The following CACNA1B variants were observed in gnomAD, a reference collection of about 807,000 sequenced individuals.
The protein encoded by CACNA1B is calcium voltage-gated channel subunit alpha1 B.
Under a neutral mutation model 247.2 loss-of-function variants are expected in CACNA1B, and 70 were observed. The ratio of observed to expected loss-of-function variants is 0.28; its 90% CI spans 0.23 to 0.35. The LOEUF is 0.35. CACNA1B is among the 10% of genes least tolerant of loss of function. The pLI is 1.00. For synonymous variants in CACNA1B, 1,231 were observed against 1,294.4 expected (o/e 0.95, Z 1.05); for missense variants, 2,367 against 3,197.4 (o/e 0.74, Z 6.26).
chr9:138,080,433 C>T (rs1184273810), intron 36 of CACNA1B, among the ~76,000 whole-genome samples: 1 of 152,042 alleles, frequency 6.6e-6, no homozygotes, highest in African/African-American at 2.4e-5. Context: ...ACATCATTGC[C>T]GTCATTACAT....
chr9:137,892,807 C>T (rs1213114581), intron 3 of CACNA1B, among the ~76,000 whole-genome samples: 4 of 152,224 alleles, frequency 2.6e-5, no homozygotes, highest in Non-Finnish European at 5.9e-5. Flanking sequence ...GTTCCCATCA[C>T]GGGCCTACTC....
chr9:138,073,727 T>C lies in CACNA1B; in HGVS notation c.4791+123T>C, dbSNP rs1960212736. 2.9e-6 allele frequency: 2 copies of C among 679,882 alleles called. No individual in the cohort carries two copies. Among genetic ancestry groups the C allele is most frequent in the Non-Finnish European group, 5.3e-6 (2 of 379,328 alleles). 42.1% of individuals were successfully genotyped at this position (679,882 alleles called of 1,614,324 possible). On this transcript the variant is annotated intron_variant, in intron 33 of 46. Transcript: ENST00000371372. This position sits in a 1 kb window ranked among gnomAD's most constrained non-coding sequence, Gnocchi z 6.4. Reference sequence around the variant, plus strand: ...AGGGTATGGCATGCAGGTTTCGTGGTTGTATGCATTGTCCTGTTGTCATTT... The same window carrying C: ...AGGGTATGGCATGCAGGTTTCGTGGCTGTATGCATTGTCCTGTTGTCATTT...
chr9:138,084,307 G>A (rs1960623598), intron 36 of CACNA1B, among the ~76,000 whole-genome samples: 1 of 151,156 alleles, frequency 6.6e-6, no homozygotes, highest in Non-Finnish European at 1.5e-5. Flanking sequence ...CTGATTGCAG[G>A]CCATTAGACC....
intron 9 of CACNA1B, 26 bp downstream of exon 9, chr9:137,956,853 G>A (rs1957955222): frequency 6.3e-7 from 1 of 1,591,024 alleles, no homozygotes; most frequent in Non-Finnish European, 8.6e-7. Context: ...TGGTACTCCT[G>A]TGTGGTGGAG....
Position 138,052,886 on chromosome 9 carries a change from C to T in CACNA1B, c.3807+698C>T, listed in dbSNP as rs1292296642. Among the ~76,000 whole-genome samples the T allele has an allele frequency of 1.3e-5, 2 of 152,182 alleles. No individual in the cohort carries two copies. The highest frequency in any genetic ancestry group is 2.9e-5 in the Non-Finnish European group (2 of 68,038). On this transcript the variant is annotated intron_variant, in intron 25 of 46. Transcript: ENST00000371372. This position sits in a 1 kb window ranked among gnomAD's most constrained non-coding sequence, Gnocchi z 5.1. ...CTGTGCAGTGGTCATCCACAGTGTG[C>T]CAGGCTGCTTTGTGGGAGACGGTTG...
intron 3 of CACNA1B, among the ~76,000 whole-genome samples, chr9:137,897,755 C>A (rs1365845203): frequency 2.6e-5 from 4 of 151,888 alleles, no homozygotes; most frequent in Non-Finnish European, 5.9e-5. Context: ...TCTCAGCTCA[C>A]TGCAACCTCT....
intron 20 of CACNA1B, among the ~76,000 whole-genome samples, chr9:138,028,303 G>A (rs1054556577): frequency 2.0e-5 from 3 of 152,060 alleles, no homozygotes; most frequent in Non-Finnish European, 4.4e-5. Flanking sequence ...GATTACAGGC[G>A]TGAGCCACCG....
Position 137,891,795 on chromosome 9 carries a change from C to T in CACNA1B, c.530+8912C>T, listed in dbSNP as rs929350568. The T allele has an allele frequency of 1.4e-5, 5 of 349,478 alleles. No individual in the cohort carries two copies. Among genetic ancestry groups the T allele is most frequent in the South Asian group, 4.3e-5 (2 of 46,478 alleles). The allele number at this position is 349,478 out of a possible 1,614,324, so 21.6% of individuals were successfully genotyped here. A position where few individuals can be genotyped will look rare whatever the true frequency, so the allele number is the denominator to read the frequency against. On this transcript the variant is annotated intron_variant, in intron 3 of 46. Coordinates refer to ENST00000371372, the MANE Select transcript of CACNA1B (RefSeq NM_000718.4). The surrounding 1 kb of genome is among the most constrained non-coding windows in gnomAD (Gnocchi z 4.3). ...CTGCGTGCCTGTGTGCAGCCCCACACGTGCTGAAGCATCTCTACTCCAGCC... is the reference window on the plus strand; with the variant it reads ...CTGCGTGCCTGTGTGCAGCCCCACATGTGCTGAAGCATCTCTACTCCAGCC...
rs1208837625 is a variant in CACNA1B, at chr9:138,100,794, C to T, written c.5223-1917C>T. On this transcript the variant is annotated intron_variant, in intron 37 of 46. Transcript: ENST00000371372. The surrounding 1 kb of genome is among the most constrained non-coding windows in gnomAD (Gnocchi z 4.6). ...GCCAGGCGTCAGAGGGTTTGGCTGA[C>T]CTGGGAGGCCCAGGGAGCATCGTCA... Among the ~76,000 whole-genome samples the T allele has an allele frequency of 6.6e-6, 1 of 152,130 alleles. No homozygotes were observed. Among genetic ancestry groups the T allele is most frequent in the Non-Finnish European group, 1.5e-5 (1 of 68,006 alleles).
intron 38 of CACNA1B, among the ~76,000 whole-genome samples, 185 bp from the exon 39 acceptor site, chr9:138,105,514 G>A (rs1961391854): frequency 6.6e-6 from 1 of 152,126 alleles, no homozygotes; most frequent in Admixed American, 6.5e-5. Flanking sequence ...GTGGGGCGGG[G>A]AGTCCAGGGG....
chr9:137,992,893 G>T (rs7869557), intron 15 of CACNA1B, among the ~76,000 whole-genome samples: 44,287 of 151,834 alleles, frequency 0.29, 8,908 homozygotes, highest in East Asian at 0.64. Flanking sequence ...CACAAAACCA[G>T]GCAAATACAG....
Position 138,091,817 on chromosome 9 carries a change from C to T in CACNA1B, c.5095-4667C>T, listed in dbSNP as rs116043611. On this transcript the variant is annotated intron_variant, in intron 36 of 46. Transcript: ENST00000371372. Reference sequence around the variant, plus strand: ...AGCTCCTATGGGGGGAACCAGCCCCCAGTATTTCAACATAGGTTCTTTTCT... The same window carrying T: ...AGCTCCTATGGGGGGAACCAGCCCCTAGTATTTCAACATAGGTTCTTTTCT... Among the ~76,000 whole-genome samples, 898 of 152,212 alleles carry T rather than the reference C, an allele frequency of 5.9e-3. 8 individuals are homozygous for T. The highest frequency in any genetic ancestry group is 0.021 in the African/African-American group (872 of 41,508).
intron 18 of CACNA1B, 134 bp from the exon 19 acceptor site, chr9:138,022,877 G>T: frequency 8.3e-7 from 1 of 1,200,418 alleles, no homozygotes; most frequent in Non-Finnish European, 1.1e-6. Flanking sequence ...CCCCCGAGGG[G>T]TGTGGGGGCT....
chr9:137,882,324 C>T lies in CACNA1B; in HGVS notation c.391-420C>T, dbSNP rs1001701127. The stretch of plus-strand genomic sequence containing the variant: ...ACCTCATGGGGTATTAAAGGGCCAC[C>T]CTAGTTGATAAAGGAAAAACTACCT... On this transcript the variant is annotated intron_variant, in intron 2 of 46. Transcript: ENST00000371372. This position sits in a 1 kb window ranked among gnomAD's most constrained non-coding sequence, Gnocchi z 4.0. 1.3e-5 allele frequency among the ~76,000 whole-genome samples: 2 copies of T among 152,084 alleles called. No homozygotes were observed. The highest frequency in any genetic ancestry group is 2.9e-5 in the Non-Finnish European group (2 of 68,018).
At position 138,051,449 on chromosome 9, in the gene CACNA1B, G is replaced by C. The variant is rs564877714; in HGVS notation, c.3711-643G>C. On this transcript the variant is annotated intron_variant, in intron 24 of 46. Transcript: ENST00000371372. The surrounding 1 kb of genome is among the most constrained non-coding windows in gnomAD (Gnocchi z 4.3). ...GTAGCATTGATATGTCTGTCTCTAT[G>C]GCTCTCCCTCCCTCCCTCCCTCCCT... Among the ~76,000 whole-genome samples, 406 of 150,764 alleles carry C rather than the reference G, an allele frequency of 2.7e-3. No homozygotes were observed. Among genetic ancestry groups the C allele is most frequent in the African/African-American group, 8.9e-3 (363 of 40,734 alleles).
chr9:138,029,092 T>C (rs996660876), intron 20 of CACNA1B, among the ~76,000 whole-genome samples: 6 of 152,090 alleles, frequency 3.9e-5, no homozygotes, highest in African/African-American at 4.8e-5. Flanking sequence ...GCATGTATAC[T>C]TTTTTTTAAC....
At chr9:138,106,830 T>C (rs938132027) in intron 39 of CACNA1B, among the ~76,000 whole-genome samples, 6 of 152,178 alleles carry the variant, frequency 3.9e-5, no homozygotes, top group African/African-American at 1.4e-4. Context: ...AATGCCCTGC[T>C]CTTGAGAGGT....
intron 36 of CACNA1B, among the ~76,000 whole-genome samples, chr9:138,087,713 CAAAAAAAAAAA>C (rs57138546): frequency 8.5e-5 from 3 of 35,456 alleles, no homozygotes; most frequent in East Asian, 7.3e-4. Context: ...GACTCCGTCT[CAAAAAAAAAAA>C]AAAAAAAAAA....
At chr9:137,943,201 C>G (rs868523496) in intron 6 of CACNA1B, among the ~76,000 whole-genome samples, 1 of 152,074 alleles carries the variant, frequency 6.6e-6, no homozygotes, top group African/African-American at 2.4e-5. Flanking sequence ...CATATGGGCT[C>G]ATATTAATTT....
Sources: gnomAD v4.1 joint callset for allele counts (sites outside exome capture counted in the v4.1 genomes callset) on GRCh38, gnomAD v4.1.1 for gene constraint, Gnocchi (gnomAD v3.1) non-coding constraint, MANE v1.5 for transcripts, NCBI Gene and HGNC (gene_info 2026-07-23, HGNC 2026-07-21) for gene names.